The following TAFA5 variants were observed in gnomAD, a reference collection of about 807,000 sequenced individuals.
TAFA5 encodes the protein TAFA chemokine like family member 5, also known as chemokine-like protein TAFA-5.
Under a neutral mutation model 15.3 loss-of-function variants are expected in TAFA5, and 6 were observed. The ratio of observed to expected loss-of-function variants is 0.39; its 90% CI spans 0.21 to 0.77. TAFA5 has a LOEUF of 0.77. Ranked by LOEUF, TAFA5 falls within the 30% of genes least tolerant of loss-of-function variation. The probability of loss-of-function intolerance (pLI) is 0.41; values close to 1 mark genes in which losing one functional copy is unlikely to be tolerated. For synonymous variants in TAFA5, 103 were observed against 80.7 expected, an observed-to-expected ratio of 1.28 and a Z score of -1.48; for missense variants, 161 against 193.1, an observed-to-expected ratio of 0.83 and a Z score of 0.98.
chr22:48,697,570 T>C (rs188553065), intron 2 of TAFA5, among the ~76,000 whole-genome samples: 148 of 150,680 alleles, frequency 9.8e-4, no homozygotes, highest in African/African-American at 3.4e-3. Flanking sequence ...GGTGGTAGTA[T>C]GACGGTGATA....
At chr22:48,710,904 G>A (rs1205912069) in intron 3 of TAFA5, among the ~76,000 whole-genome samples, 1 of 152,136 alleles carries the variant, frequency 6.6e-6, no homozygotes, top group Non-Finnish European at 1.5e-5. Context: ...AGTGACTGCT[G>A]GTGGCCAGGT....
intron 1 of TAFA5, among the ~76,000 whole-genome samples, chr22:48,620,993 C>T (rs1449782583): frequency 1.6e-5 from 2 of 122,922 alleles, no homozygotes; most frequent in East Asian, 4.9e-4. Context: ...CACCCACCCA[C>T]CCACACTATC....
intron 2 of TAFA5, among the ~76,000 whole-genome samples, chr22:48,649,734 G>A (rs976699571): frequency 3.0e-4 from 46 of 152,252 alleles, no homozygotes; most frequent in African/African-American, 1.1e-3. Flanking sequence ...GGTGGCCGGG[G>A]CGCCTTCTCG....
chr22:48,721,830 G>A (rs929885137), intron 3 of TAFA5, among the ~76,000 whole-genome samples: 4 of 152,128 alleles, frequency 2.6e-5, no homozygotes, highest in African/African-American at 4.8e-5. Flanking sequence ...TGTGCCAAGC[G>A]TGGTGGCACG....
chr22:48,654,098 C>T (rs532148430), intron 2 of TAFA5, among the ~76,000 whole-genome samples: 5 of 152,214 alleles, frequency 3.3e-5, no homozygotes, highest in African/African-American at 9.6e-5. Context: ...GGTCCTGTCC[C>T]GTCACGTTGG....
rs370343504 is a variant in TAFA5 at position 48,718,095 on chromosome 22, C to T, written c.390+10251C>T. ...GGCAGGGCTGCTGCGGACAGCAGGC[C>T]ACGGGCTGAGCAGAAGCGGAGGGCC... On this transcript the variant is annotated intron_variant, in intron 3 of 3. Transcript: ENST00000402357. Among the ~76,000 whole-genome samples the T allele has an allele frequency of 3.9e-3, 596 of 152,238 alleles. 4 individuals carry two copies. The highest frequency in any genetic ancestry group is 0.013 in the African/African-American group (546 of 41,550).
intron 1 of TAFA5, chr22:48,576,233 T>G: frequency 2.5e-6 from 1 of 405,390 alleles, no homozygotes. Context: ...GACTTTCTGC[T>G]AACCTCCCCG....
At chr22:48,652,631 A>T (rs917555107) in intron 2 of TAFA5, among the ~76,000 whole-genome samples, 11 of 152,144 alleles carry the variant, frequency 7.2e-5, no homozygotes, top group African/African-American at 2.7e-4. Context: ...CTGAGGAAGG[A>T]TAATGAAGCT....
chr22:48,746,301 C>T (rs73441846), intron 3 of TAFA5, among the ~76,000 whole-genome samples: 3,404 of 152,142 alleles, frequency 0.022, 150 homozygotes, highest in African/African-American at 0.078. Flanking sequence ...GGCAGACACC[C>T]CAGTCACCCG....
chr22:48,729,149 GCT>G (rs1214152412), intron 3 of TAFA5, among the ~76,000 whole-genome samples: 2 of 151,222 alleles, frequency 1.3e-5, no homozygotes, highest in African/African-American at 4.9e-5. Context: ...TAGGCACGCT[GCT>G]TAAAATATTA....
chr22:48,536,435 C>T (rs945667998), intron 1 of TAFA5, among the ~76,000 whole-genome samples: 4 of 152,192 alleles, frequency 2.6e-5, no homozygotes, highest in Non-Finnish European at 4.4e-5. Flanking sequence ...GTGTCAGCAC[C>T]GGGAGCCGGC....
chr22:48,639,670 C>G (rs1926603105), intron 1 of TAFA5, among the ~76,000 whole-genome samples: 1 of 152,222 alleles, frequency 6.6e-6, no homozygotes, highest in Admixed American at 6.5e-5. Context: ...CCCACCAGCC[C>G]CCGCCTAGCA....
intron 1 of TAFA5, chr22:48,544,527 A>G (rs997349163): frequency 1.4e-5 from 5 of 368,376 alleles, no homozygotes; most frequent in Non-Finnish European, 2.7e-5. Flanking sequence ...TTTTCAAATG[A>G]GCTGCAGCAC....
chr22:48,667,192 G>A (rs986171947), intron 2 of TAFA5, among the ~76,000 whole-genome samples: 5 of 152,198 alleles, frequency 3.3e-5, no homozygotes, highest in African/African-American at 4.8e-5. Context: ...CTGCCCATCC[G>A]AGCGGCCTGC....
At chr22:48,743,314 G>A (rs577928598) in intron 3 of TAFA5, among the ~76,000 whole-genome samples, 73 of 152,328 alleles carry the variant, frequency 4.8e-4, no homozygotes, top group Middle Eastern at 3.4e-3. Context: ...TCTTGCAGCC[G>A]CTGTGGCTGC....
rs947295168 is a variant in TAFA5, at chr22:48,489,620, C to T, written c.28C>T (p.Arg10Trp). Reference sequence around the variant, plus strand: ...GGCGCCATCGCCCAGGACCGGCAGCCGGCAAGATGCGACCGCCCTGCCCAG... The same window carrying T: ...GGCGCCATCGCCCAGGACCGGCAGCTGGCAAGATGCGACCGCCCTGCCCAG... MAPSPRTGS[R>W]QDATALPSMS... is the part of the protein sequence containing the mutation. The change falls in exon 1 of 4, where the codon CGG (arginine) becomes TGG (tryptophan). Residue 10 changes from arginine to tryptophan, a missense_variant. Transcript: ENST00000402357. This position sits in a 1 kb window ranked among gnomAD's most constrained non-coding sequence, Gnocchi z 5.5. 6 of 1,506,596 alleles carry T rather than the reference C, an allele frequency of 4.0e-6. No individual in the cohort carries two copies. The highest frequency in any genetic ancestry group is 4.2e-5 in the Admixed American group (2 of 47,152). The allele number at this position is 1,506,596 out of a possible 1,614,324, so 93.3% of individuals were successfully genotyped here. A position where few individuals can be genotyped will look rare whatever the true frequency, so the allele number is the denominator to read the frequency against.
intron 2 of TAFA5, among the ~76,000 whole-genome samples, chr22:48,666,030 G>A (rs1258958832): frequency 6.6e-6 from 1 of 152,210 alleles, no homozygotes; most frequent in Admixed American, 6.5e-5. Context: ...GGCTCCAGGA[G>A]GGTGGGGACT....
chr22:48,637,854 C>G (rs1480915809), intron 1 of TAFA5, among the ~76,000 whole-genome samples: 2 of 151,996 alleles, frequency 1.3e-5, no homozygotes, highest in Admixed American at 6.6e-5. Flanking sequence ...CTCCTTGAGG[C>G]CTTTCTCCTT....
intron 1 of TAFA5, among the ~76,000 whole-genome samples, chr22:48,580,216 GTCC>G (rs1473679130): frequency 1.3e-5 from 2 of 152,222 alleles, no homozygotes; most frequent in Non-Finnish European, 2.9e-5. Context: ...GAAATGAGGC[GTCC>G]TCCTGCAAAC....
Sources: allele counts gnomAD v4.1 joint callset (sites outside exome capture counted in the v4.1 genomes callset), GRCh38; gene constraint gnomAD v4.1.1; non-coding constraint Gnocchi (gnomAD v3.1); transcripts MANE v1.5; gene names NCBI Gene and HGNC (gene_info 2026-07-23, HGNC 2026-07-21).